Variants in SHLD2 observed in about 807,000 individuals in gnomAD.
The protein encoded by SHLD2 is shieldin complex subunit 2, also known as RINN1-REV7-interacting novel NHEJ regulator 2.
A neutral mutation model predicts 73.2 loss-of-function variants in SHLD2; 30 were observed. The ratio of observed to expected loss-of-function variants is 0.41; its 90% CI spans 0.31 to 0.56. SHLD2 has a LOEUF of 0.56. Ranked by LOEUF, SHLD2 falls within the 20% of genes least tolerant of loss-of-function variation. SHLD2 has a pLI of 0.28. For missense variants in SHLD2, 745 were observed against 1,055.9 expected (o/e 0.71, Z 4.08); for synonymous variants, 285 against 370.1 (o/e 0.77, Z 2.64).
chr10:87,180,438 T>C, intron 8 of SHLD2, 135 bp downstream of exon 8: 2 of 1,195,746 alleles, frequency 1.7e-6, no homozygotes, highest in South Asian at 1.6e-5. Context: ...GAGTGATAGA[T>C]AGCTATTTAT....
intron 2 of SHLD2, among the ~76,000 whole-genome samples, chr10:87,134,454 G>C (rs373466749): frequency 3.9e-5 from 6 of 152,112 alleles, no homozygotes; most frequent in Admixed American, 1.3e-4. Flanking sequence ...CCACGTATGG[G>C]CTGGTTTGAC....
At chr10:87,107,776 A>G (rs1373156015) in intron 2 of SHLD2, among the ~76,000 whole-genome samples, 2 of 152,236 alleles carry the variant, frequency 1.3e-5, no homozygotes, top group Non-Finnish European at 2.9e-5. Context: ...GGAAAACCCA[A>G]TTGGAAGTAT....
At chr10:87,105,413 A>T (rs1842533963) in intron 2 of SHLD2, among the ~76,000 whole-genome samples, 1 of 152,244 alleles carries the variant, frequency 6.6e-6, no homozygotes, top group South Asian at 2.1e-4. Flanking sequence ...TTAATGAAAG[A>T]CATGTCAATG....
intron 2 of SHLD2, among the ~76,000 whole-genome samples, chr10:87,104,424 G>A (rs531575394): frequency 2.6e-5 from 4 of 151,550 alleles, no homozygotes; most frequent in South Asian, 4.2e-4. Context: ...GCGAGTGCCT[G>A]TAATCCAAGC....
At chr10:87,097,363 C>T (rs549723876) in intron 2 of SHLD2, among the ~76,000 whole-genome samples, 12 of 152,178 alleles carry the variant, frequency 7.9e-5, no homozygotes, top group Non-Finnish European at 1.2e-4. Context: ...GAGTTCGAGA[C>T]CAGCCTGGGC....
intron 2 of SHLD2, among the ~76,000 whole-genome samples, chr10:87,124,495 C>T (rs190940976): frequency 1.2e-3 from 185 of 152,208 alleles, no homozygotes; most frequent in Non-Finnish European, 2.2e-3. Context: ...GTGATCGCAC[C>T]ACTGCACTCC....
chr10:87,181,729 T>C (rs545369993), intron 8 of SHLD2, among the ~76,000 whole-genome samples: 129 of 152,318 alleles, frequency 8.5e-4, no homozygotes, highest in African/African-American at 2.9e-3. Context: ...TGAATGGTCA[T>C]GTTAAGGCAA....
At chr10:87,181,160 C>T (rs185250918) in intron 8 of SHLD2, among the ~76,000 whole-genome samples, 1,697 of 148,166 alleles carry the variant, frequency 0.011, 15 homozygotes, top group Non-Finnish European at 0.018. Flanking sequence ...GTGGGGGGAT[C>T]GCTTGAGCCC....
chr10:87,094,689 G>T (rs1589394595), upstream of SHLD2: 2 of 1,499,346 alleles, frequency 1.3e-6, no homozygotes, highest in Non-Finnish European at 1.8e-6. This position sits in a 1 kb window ranked among gnomAD's most constrained non-coding sequence, Gnocchi z 6.6. Flanking sequence ...CCAGCAACGC[G>T]GCCGAGTCGG....
Position 87,151,931 on chromosome 10 carries a change from G to A in SHLD2, c.577G>A (p.Val193Met). 1 of 1,611,210 alleles carries A rather than the reference G, an allele frequency of 6.2e-7. No homozygotes were observed. The highest frequency in any genetic ancestry group is 8.5e-7 in the Non-Finnish European group (1 of 1,179,264). ...STEKINIGPE[V>M]VQRECVPTEY... Reference sequence around the variant, plus strand: ...TGAAAAAATTAATATAGGGCCTGAAGTGGTACAAAGAGAGTGTGTGCCAAC... The same window carrying A: ...TGAAAAAATTAATATAGGGCCTGAAATGGTACAAAGAGAGTGTGTGCCAAC... Residue 193 changes from valine to methionine, a missense_variant, in exon 3 of 10, where the codon GTG becomes ATG. This residue lies in a region of SHLD2 where 280 missense variants were observed against 353.9 expected (regional missense o/e 0.79). Transcript: ENST00000298786.
At position 87,184,041 on chromosome 10, in the gene SHLD2, A is replaced by G. The variant is rs562673330; in HGVS notation, c.2400-3044A>G. On this transcript the variant is annotated intron_variant, in intron 8 of 9. Transcript: ENST00000298786. ...GTATCAAATTCTTTGCTTGACGTCC[A>G]TCTCACATTTAAACATACCCACAAT... Among the ~76,000 whole-genome samples the G allele has an allele frequency of 2.2e-3, 336 of 152,230 alleles. 1 individual carries two copies. The highest frequency in any genetic ancestry group is 7.7e-3 in the African/African-American group (320 of 41,530).
At chr10:87,097,113 A>C (rs1841949502) in intron 2 of SHLD2, 124 bp downstream of exon 2, 3 of 152,132 alleles carry the variant, frequency 2.0e-5, no homozygotes, top group African/African-American at 4.8e-5. Flanking sequence ...ACATGGAAAT[A>C]TTTTTCTTTT....
rs180903002 is a variant in SHLD2 at position 87,114,687 on chromosome 10, T to C, written c.-6+17698T>C. On this transcript the variant is annotated intron_variant, in intron 2 of 9. Coordinates refer to ENST00000298786, the MANE Select transcript of SHLD2 (RefSeq NM_001330112.2). ...TTGCAGTGAGCCGAGATTGCGCCACTGCACTCCAGCCTGGGCGACAGAGCA... is the reference window on the plus strand; with the variant it reads ...TTGCAGTGAGCCGAGATTGCGCCACCGCACTCCAGCCTGGGCGACAGAGCA... 6.9e-3 allele frequency among the ~76,000 whole-genome samples: 1,043 copies of C among 152,108 alleles called. 4 individuals are homozygous for C. Among genetic ancestry groups the C allele is most frequent in the Non-Finnish European group, 9.8e-3 (666 of 68,008 alleles).
At chr10:87,098,353 A>C (rs1429289324) in intron 2 of SHLD2, among the ~76,000 whole-genome samples, 10 of 151,988 alleles carry the variant, frequency 6.6e-5, no homozygotes, top group Admixed American at 5.9e-4. Context: ...ATCTGTACTA[A>C]AAATACAAAA....
At chr10:87,148,111 G>T (rs1222471248) in intron 2 of SHLD2, among the ~76,000 whole-genome samples, 1 of 152,084 alleles carries the variant, frequency 6.6e-6, no homozygotes, top group Admixed American at 6.6e-5. Flanking sequence ...TCAGCCTCCC[G>T]AAGTTCTGGG....
intron 2 of SHLD2, among the ~76,000 whole-genome samples, chr10:87,130,238 G>C (rs1231853330): frequency 6.6e-6 from 1 of 151,212 alleles, no homozygotes; most frequent in Non-Finnish European, 1.5e-5. Context: ...TCATTTGCTG[G>C]GGCACCCTTC....
chr10:87,142,594 G>A (rs1845272960), intron 2 of SHLD2, among the ~76,000 whole-genome samples: 1 of 152,030 alleles, frequency 6.6e-6, no homozygotes, highest in Non-Finnish European at 1.5e-5. Context: ...TTAAAGATAG[G>A]ACCAAAAGGA....
At chr10:87,131,469 C>T (rs2264970) in intron 2 of SHLD2, among the ~76,000 whole-genome samples, 5 of 152,142 alleles carry the variant, frequency 3.3e-5, no homozygotes, top group Middle Eastern at 3.2e-3. Context: ...ATTCAGTATG[C>T]GGCCTTTTGT....
intron 2 of SHLD2, among the ~76,000 whole-genome samples, chr10:87,105,388 T>A (rs1780602217): frequency 6.6e-6 from 1 of 152,212 alleles, no homozygotes; most frequent in Admixed American, 6.5e-5. Flanking sequence ...AGTATAATTA[T>A]GTTGCGCTTG....
Sources: gnomAD v4.1 joint callset for allele counts (sites outside exome capture counted in the v4.1 genomes callset) on GRCh38, gnomAD v4.1.1 for gene constraint, gnomAD v4.1.1 regional missense constraint, Gnocchi (gnomAD v3.1) non-coding constraint, MANE v1.5 for transcripts, NCBI Gene and HGNC (gene_info 2026-07-23, HGNC 2026-07-21) for gene names.